Variants in ASTN2 observed in about 807,000 individuals in gnomAD.
The protein encoded by ASTN2 is astrotactin-2.
In ASTN2, 54 loss-of-function variants were observed where a neutral mutation model predicts 139.8. The ratio of observed to expected loss-of-function variants is 0.39; its 90% confidence interval spans 0.31 to 0.48. The LOEUF (loss-of-function observed/expected upper bound fraction) is 0.48. Ranked by LOEUF, ASTN2 falls within the 20% of genes least tolerant of loss-of-function variation. The pLI, the probability that ASTN2 is intolerant of heterozygous loss-of-function variation, is 0.95. For synonymous variants in ASTN2, 756 were observed against 719.5 expected, an observed-to-expected ratio of 1.05 and a Z score of -0.81; for missense variants, 1,565 against 1,725.1, an observed-to-expected ratio of 0.91 and a Z score of 1.64.
chr9:117,063,647 A>T (rs1839362875), intron 5 of ASTN2, among the ~76,000 whole-genome samples: 1 of 152,224 alleles, frequency 6.6e-6, no homozygotes, highest in African/African-American at 2.4e-5. Flanking sequence ...ACACCTGGTT[A>T]TCTAGGACAG....
chr9:116,908,463 T>C (rs1489251194), intron 10 of ASTN2, among the ~76,000 whole-genome samples: 1 of 152,222 alleles, frequency 6.6e-6, no homozygotes, highest in Non-Finnish European at 1.5e-5. Context: ...GAGGCTATCA[T>C]TTCCAACCTC....
chr9:117,083,309 C>A (rs1323173728), intron 5 of ASTN2, among the ~76,000 whole-genome samples: 1 of 152,220 alleles, frequency 6.6e-6, no homozygotes, highest in Non-Finnish European at 1.5e-5. Context: ...TCTTCCTTCA[C>A]ATACCTTATA....
At chr9:116,588,272 T>G (rs189428249) in intron 19 of ASTN2, among the ~76,000 whole-genome samples, 93 of 152,306 alleles carry the variant, frequency 6.1e-4, no homozygotes, top group African/African-American at 2.1e-3. Context: ...TCCAAAAAGG[T>G]CCTTCCAAAA....
chr9:116,593,629 C>A (rs545879159), intron 19 of ASTN2, among the ~76,000 whole-genome samples: 4 of 152,332 alleles, frequency 2.6e-5, no homozygotes, highest in African/African-American at 9.6e-5. Flanking sequence ...ATTCTAATCA[C>A]AACTTAGCCC....
chr9:116,641,734 C>T (rs1171320330), intron 17 of ASTN2, among the ~76,000 whole-genome samples: 1 of 152,010 alleles, frequency 6.6e-6, no homozygotes, highest in African/African-American at 2.4e-5. Context: ...TCTTCAGGTC[C>T]CATGAAAGAG....
At chr9:116,747,693 GCACACACACACACACA>G (rs56265727) in intron 13 of ASTN2, among the ~76,000 whole-genome samples, 18 of 149,152 alleles carry the variant, frequency 1.2e-4, no homozygotes, top group East Asian at 1.0e-3. Context: ...GTGTGCATGA[GCACACACACACACACA>G]CACACACACA....
At chr9:117,318,976 G>A (rs1490431072) in intron 1 of ASTN2, among the ~76,000 whole-genome samples, 4 of 152,168 alleles carry the variant, frequency 2.6e-5, no homozygotes, top group Non-Finnish European at 4.4e-5. Context: ...GCAAATTAAG[G>A]CCCATTTGTT....
chr9:117,043,941 G>T (rs995180965), intron 5 of ASTN2, among the ~76,000 whole-genome samples: 12 of 148,442 alleles, frequency 8.1e-5, no homozygotes, highest in African/African-American at 2.7e-4. Flanking sequence ...AAAGAAAAAA[G>T]AAAAAACAAA....
chr9:117,217,071 T>C (rs903331437), intron 2 of ASTN2, among the ~76,000 whole-genome samples: 18 of 152,086 alleles, frequency 1.2e-4, no homozygotes, highest in Non-Finnish European at 2.4e-4. Context: ...GCTCCCCATT[T>C]CACAGCCCTT....
chr9:117,340,202 T>A (rs145761155), intron 1 of ASTN2, among the ~76,000 whole-genome samples: 2 of 151,704 alleles, frequency 1.3e-5, no homozygotes, highest in African/African-American at 4.8e-5. Flanking sequence ...GTTGGTGGCA[T>A]GCACCTATAA....
At chr9:116,484,699 A>G (rs1027040182) in intron 20 of ASTN2, among the ~76,000 whole-genome samples, 14 of 152,156 alleles carry the variant, frequency 9.2e-5, no homozygotes, top group African/African-American at 2.7e-4. Flanking sequence ...AATAAAATAG[A>G]GAAGTGTTCC....
intron 1 of ASTN2, among the ~76,000 whole-genome samples, chr9:117,392,786 T>G (rs910659986): frequency 2.0e-5 from 3 of 152,166 alleles, no homozygotes; most frequent in Non-Finnish European, 2.9e-5. Context: ...GAAAAAGGCT[T>G]TAAGAAAGAG....
intron 16 of ASTN2, among the ~76,000 whole-genome samples, chr9:116,685,096 G>C (rs887887275): frequency 1.4e-4 from 21 of 152,294 alleles, no homozygotes; most frequent in Admixed American, 6.5e-4. Context: ...GTTACAAGAT[G>C]CTGAGCCTCC....
chr9:116,759,226 C>G (rs1309306274), intron 13 of ASTN2, among the ~76,000 whole-genome samples: 2 of 152,118 alleles, frequency 1.3e-5, no homozygotes, highest in Non-Finnish European at 2.9e-5. Flanking sequence ...TTGGTATGGG[C>G]CCAGTTTGTG....
chr9:116,682,114 G>A (rs758720579), intron 16 of ASTN2, among the ~76,000 whole-genome samples: 3,287 of 151,860 alleles, frequency 0.022, 46 homozygotes, highest in Non-Finnish European at 0.032. Context: ...GAAAATTTTC[G>A]CAACCTACTT....
chr9:116,508,916 T>C (rs1850233153), intron 19 of ASTN2, among the ~76,000 whole-genome samples: 1 of 152,150 alleles, frequency 6.6e-6, no homozygotes, highest in African/African-American at 2.4e-5. Flanking sequence ...TGCTCACAGG[T>C]GTCACCATCC....
At chr9:116,658,758 T>TC (rs398046869) in intron 16 of ASTN2, among the ~76,000 whole-genome samples, 1 of 134,154 alleles carries the variant, frequency 7.5e-6, no homozygotes, top group Non-Finnish European at 1.6e-5. Flanking sequence ...TTTTTTTTTT[T>TC]GCTTGTACTG....
intron 1 of ASTN2, among the ~76,000 whole-genome samples, chr9:117,294,368 C>T (rs536260718): frequency 7.2e-5 from 11 of 152,316 alleles, no homozygotes; most frequent in African/African-American, 2.4e-4. Flanking sequence ...CAGAGAATAA[C>T]TCCGGACTTA....
At chr9:116,640,948 T>C (rs959037906) in intron 17 of ASTN2, among the ~76,000 whole-genome samples, 5 of 152,084 alleles carry the variant, frequency 3.3e-5, no homozygotes, top group Non-Finnish European at 1.5e-5. Context: ...GGACTTGGAA[T>C]GGGTTGTATT....
Sources: allele counts gnomAD v4.1 joint callset (sites outside exome capture counted in the v4.1 genomes callset), GRCh38; gene constraint gnomAD v4.1.1; transcripts MANE v1.5; gene names NCBI Gene and HGNC (gene_info 2026-07-23, HGNC 2026-07-21).